ATP6V1H: variants seen among roughly 807,000 people sequenced by gnomAD.
The protein encoded by ATP6V1H is ATPase H+ transporting V1 subunit H, also known as V-type proton ATPase subunit H.
Under a neutral mutation model 71.7 loss-of-function variants are expected in ATP6V1H, and 39 were observed. The observed-to-expected ratio is 0.54, with a 90% CI of 0.42 to 0.71. The LOEUF is 0.71. ATP6V1H is among the 30% of genes least tolerant of loss of function. The pLI, the probability that ATP6V1H is intolerant of heterozygous loss-of-function variation, is 0.00. For synonymous variants in ATP6V1H, 192 were observed against 199.3 expected (o/e 0.96, Z 0.31); for missense variants, 509 against 594.9 (o/e 0.86, Z 1.50).
At chr8:53,792,981 C>A (rs1723680967) in intron 9 of ATP6V1H, among the ~76,000 whole-genome samples, 1 of 152,100 alleles carries the variant, frequency 6.6e-6, no homozygotes, top group African/African-American at 2.4e-5. Flanking sequence ...ATGTGGAATA[C>A]ATTTAAAGTA....
At chr8:53,794,869 G>A (rs1007560143) in intron 9 of ATP6V1H, among the ~76,000 whole-genome samples, 17 of 152,162 alleles carry the variant, frequency 1.1e-4, no homozygotes, top group African/African-American at 3.1e-4. Flanking sequence ...GCTCTGGTGA[G>A]CATTAAATGA....
intron 12 of ATP6V1H, among the ~76,000 whole-genome samples, chr8:53,755,698 A>ACTATTCTTTTTCTTT (rs1807996115): frequency 5.7e-4 from 1 of 1,744 alleles, no homozygotes; most frequent in African/African-American, 2.5e-3. Context: ...ATATATATAT[A>ACTATTCTTTTTCTTT]TATATATATA....
chr8:53,804,037 G>T (rs1809999939), intron 7 of ATP6V1H, among the ~76,000 whole-genome samples: 1 of 152,238 alleles, frequency 6.6e-6, no homozygotes, highest in Non-Finnish European at 1.5e-5. Flanking sequence ...ATGGATTCTT[G>T]GTTGTTATTT....
Position 53,754,725 on chromosome 8 carries a change from C to G in ATP6V1H, c.1277+1830G>C, listed in dbSNP as rs931528018. On this transcript the variant is annotated intron_variant, in intron 12 of 13. Transcript: ENST00000359530. ...TATAATACCAGGGTGCTCATTGTGC[C>G]CCTGGAAAGTGGTTTATCATTGCTG... Among the ~76,000 whole-genome samples, 3 of 152,188 alleles carry G rather than the reference C, an allele frequency of 2.0e-5. No homozygotes were observed. In the East Asian group the frequency reaches 5.8e-4, roughly 29 times the overall value.
intron 5 of ATP6V1H, among the ~76,000 whole-genome samples, chr8:53,817,060 C>T (rs1810475550): frequency 1.3e-5 from 2 of 152,046 alleles, no homozygotes; most frequent in East Asian, 3.9e-4. Flanking sequence ...CTACTGAACA[C>T]CAATATGGAA....
chr8:53,825,442 C>CA lies in ATP6V1H; in HGVS notation c.306+4001dup, dbSNP rs556010303. ...AAATAAGCTGACATTCCATTTCATA[C>CA]AAAAAAAACAACATTCAAGAAAACC... On this transcript the variant is annotated intron_variant, in intron 4 of 13. Transcript: ENST00000359530. Among the ~76,000 whole-genome samples, 393 of 148,670 alleles carry CA rather than the reference C, an allele frequency of 2.6e-3. 2 individuals carry two copies. The highest frequency in any genetic ancestry group is 0.014 in the Middle Eastern group (4 of 294).
chr8:53,719,357 G>A (rs1337921979), intron 13 of ATP6V1H, among the ~76,000 whole-genome samples: 1 of 152,164 alleles, frequency 6.6e-6, no homozygotes, highest in Non-Finnish European at 1.5e-5. Context: ...TTTCAGTAGA[G>A]ATGGGGTTCT....
chr8:53,833,116 A>G, intron 2 of ATP6V1H, 30 bp from the exon 3 acceptor site: 1 of 1,563,714 alleles, frequency 6.4e-7, no homozygotes, highest in Non-Finnish European at 8.8e-7. Flanking sequence ...TGTTTTGTTC[A>G]GTAAGAGTTG....
In ATP6V1H at chr8:53,776,535, G is replaced by A. The variant is rs371234452; in HGVS notation, c.871-4368C>T. Among the ~76,000 whole-genome samples the A allele has an allele frequency of 1.3e-3, 191 of 152,338 alleles. 5 individuals are homozygous for A. In the South Asian group the frequency reaches 0.038, roughly 30 times the overall value. On this transcript the variant is annotated intron_variant, in intron 9 of 13. Transcript: ENST00000359530. ...AAGATTTAAGCTGCTTCTCCCCACA[G>A]GAAGAGAGAGCTTGGAGCTGGAGCC...
At chr8:53,799,853 G>C (rs1385707131) in intron 8 of ATP6V1H, among the ~76,000 whole-genome samples, 1 of 152,148 alleles carries the variant, frequency 6.6e-6, no homozygotes, top group Admixed American at 6.5e-5. Flanking sequence ...ATTTATGAAT[G>C]AGGAAACAGG....
chr8:53,786,127 C>A lies in ATP6V1H; in HGVS notation c.870+9520G>T, dbSNP rs555677002. Among the ~76,000 whole-genome samples the A allele has an allele frequency of 2.1e-3, 322 of 152,296 alleles. 1 individual carries two copies. Among genetic ancestry groups the A allele is most frequent in the African/African-American group, 7.3e-3 (302 of 41,566 alleles). On this transcript the variant is annotated intron_variant, in intron 9 of 13. Coordinates refer to ENST00000359530, the MANE Select transcript of ATP6V1H (RefSeq NM_015941.4). ...CTGCCTTTTGTTTGTCTGTGCCATG[C>A]CCCCAGAGGTGGAGCCTACAGAGGC... is the stretch of plus-strand genomic sequence containing the variant.
At chr8:53,737,843 T>C (rs1807275340) in intron 13 of ATP6V1H, among the ~76,000 whole-genome samples, 1 of 152,210 alleles carries the variant, frequency 6.6e-6, no homozygotes, top group Non-Finnish European at 1.5e-5. Context: ...AAAAGGTACC[T>C]TTCTTAAGAC....
intron 4 of ATP6V1H, among the ~76,000 whole-genome samples, chr8:53,825,540 G>A (rs1810799160): frequency 6.6e-6 from 1 of 152,038 alleles, no homozygotes; most frequent in Non-Finnish European, 1.5e-5. Flanking sequence ...TAAACTGGGT[G>A]GTGCTGGAGC....
intron 6 of ATP6V1H, among the ~76,000 whole-genome samples, chr8:53,814,343 G>A (rs1333958319): frequency 2.6e-5 from 4 of 152,192 alleles, no homozygotes; most frequent in Non-Finnish European, 1.5e-5. Context: ...GCTCTTTGGA[G>A]CTGTGTGGGT....
intron 11 of ATP6V1H, among the ~76,000 whole-genome samples, chr8:53,764,813 C>T (rs1808394489): frequency 6.6e-6 from 1 of 152,174 alleles, no homozygotes. Flanking sequence ...AAACACAGCA[C>T]TAGGCCAAGC....
At chr8:53,840,300 AG>A (rs1811301540) in intron 2 of ATP6V1H, among the ~76,000 whole-genome samples, 1 of 152,190 alleles carries the variant, frequency 6.6e-6, no homozygotes, top group Non-Finnish European at 1.5e-5. Context: ...GTTCGAGACC[AG>A]CCTGGCCAAC....
intron 8 of ATP6V1H, among the ~76,000 whole-genome samples, chr8:53,799,407 G>T (rs1378757096): frequency 6.6e-6 from 1 of 152,100 alleles, no homozygotes; most frequent in African/African-American, 2.4e-5. Context: ...CCAAAATACT[G>T]CATTATCTTT....
chr8:53,765,493 ACACACAC>A lies in ATP6V1H; in HGVS notation c.1175+4118_1175+4124del, dbSNP rs1440929312. Among the ~76,000 whole-genome samples the A allele has an allele frequency of 2.1e-3, 307 of 144,836 alleles. 1 individual carries two copies. Among genetic ancestry groups the A allele is most frequent in the African/African-American group, 7.4e-3 (293 of 39,488 alleles). ...CACACACACACACACACACACACAC[ACACACAC>A]AAGACCATCAGCATTAGCACCAAAA... is the stretch of plus-strand genomic sequence containing the variant. On this transcript the variant is annotated intron_variant, in intron 11 of 13. Coordinates refer to ENST00000359530, the MANE Select transcript of ATP6V1H (RefSeq NM_015941.4).
At chr8:53,745,272 G>A (rs1807557207) in intron 12 of ATP6V1H, among the ~76,000 whole-genome samples, 1 of 152,028 alleles carries the variant, frequency 6.6e-6, no homozygotes, top group Non-Finnish European at 1.5e-5. Context: ...ATGGTGGTGT[G>A]TACCTGTAGA....
Sources: gnomAD v4.1 joint callset for allele counts (sites outside exome capture counted in the v4.1 genomes callset) on GRCh38, gnomAD v4.1.1 for gene constraint, MANE v1.5 for transcripts, NCBI Gene and HGNC (gene_info 2026-07-23, HGNC 2026-07-21) for gene names.